CSNK1A1: variants seen among roughly 807,000 people sequenced by gnomAD.
The protein encoded by CSNK1A1 is casein kinase 1 alpha 1.
A neutral mutation model predicts 46.1 loss-of-function variants in CSNK1A1; 7 were observed. The ratio of observed to expected loss-of-function variants is 0.15; its 90% CI spans 0.09 to 0.29. The LOEUF (loss-of-function observed/expected upper bound fraction) is 0.29. CSNK1A1 is among the 10% of genes least tolerant of loss of function. CSNK1A1 has a pLI of 1.00. For synonymous variants in CSNK1A1, 137 were observed against 141.5 expected (o/e 0.97, Z 0.23); for missense variants, 96 against 417.1 (o/e 0.23, Z 6.71).
rs759547304 is a variant in CSNK1A1, at chr5:149,517,885, G to A, written c.456+2405C>T. On this transcript the variant is annotated intron_variant, in intron 4 of 9. Transcript: ENST00000377843. The surrounding 1 kb of genome is among the most constrained non-coding windows in gnomAD (Gnocchi z 4.4). ...CACTGGAGATTCTAAACACTAAACA[G>A]ACAATAGAGGGTGGCAGTGCATCAA... 4 of 1,566,236 alleles carry A rather than the reference G, an allele frequency of 2.6e-6. No homozygotes were observed. The South Asian group carries it at 3.4e-5, about 13-fold the overall frequency.
At chr5:149,549,487 T>C (rs767587098) in intron 2 of CSNK1A1, 3 of 702,552 alleles carry the variant, frequency 4.3e-6, no homozygotes, top group Non-Finnish European at 7.8e-6. Context: ...TTCTTGGCTT[T>C]TCAAAGGTTT....
At chr5:149,505,711 T>C in intron 8 of CSNK1A1, 116 bp from the exon 9 acceptor site, 2 of 801,230 alleles carry the variant, frequency 2.5e-6, no homozygotes, top group East Asian at 2.6e-5. Context: ...TTTCCTCAAG[T>C]GTGGCAGCTT....
At chr5:149,501,288 C>G in intron 9 of CSNK1A1, 1 of 985,304 alleles carries the variant, frequency 1.0e-6, no homozygotes, top group Non-Finnish European at 1.2e-6. Context: ...GACAAAAATT[C>G]AAGATTTCAG....
chr5:149,517,063 T>C lies in CSNK1A1; in HGVS notation c.456+3227A>G, dbSNP rs1216822470. Among the ~76,000 whole-genome samples the C allele has an allele frequency of 6.6e-6, 1 of 152,200 alleles. No individual in the cohort carries two copies. The highest frequency in any genetic ancestry group is 2.4e-5 in the African/African-American group (1 of 41,448). On this transcript the variant is annotated intron_variant, in intron 4 of 9. Transcript: ENST00000377843. The surrounding 1 kb of genome is among the most constrained non-coding windows in gnomAD (Gnocchi z 4.4). The stretch of plus-strand genomic sequence containing the variant: ...ACTTCAACAAAAGTGTAACAAAATA[T>C]GAAGAGTTCTACTTACAAATTTAGA...
intron 2 of CSNK1A1, among the ~76,000 whole-genome samples, chr5:149,546,375 C>T (rs935855386): frequency 6.6e-6 from 1 of 151,850 alleles, no homozygotes; most frequent in Non-Finnish European, 1.5e-5. Flanking sequence ...TGGCTCATGC[C>T]TGTAATCCAA....
chr5:149,545,430 G>C lies in CSNK1A1; in HGVS notation c.230+4645C>G, dbSNP rs534426293. 2.8e-5 allele frequency: 15 copies of C among 536,194 alleles called. No individual in the cohort carries two copies. In the South Asian group the frequency reaches 3.6e-4, roughly 13 times the overall value. The allele number at this position is 536,194 out of a possible 1,614,324, so 33.2% of individuals were successfully genotyped here. On this transcript the variant is annotated intron_variant, in intron 2 of 9. Transcript: ENST00000377843. ...GCCTGAGAGCCTTTGGGAGGAGCCT[G>C]AGCTGGAACTGAAGCTGGAGCTGCA...
intron 2 of CSNK1A1, among the ~76,000 whole-genome samples, chr5:149,547,739 A>AC (rs547140750): frequency 2.6e-5 from 4 of 152,194 alleles, no homozygotes; most frequent in African/African-American, 9.6e-5. Context: ...TTTAATCTTC[A>AC]CCTCATAAGA....
At chr5:149,542,640 G>GTA (rs1311690619) in intron 2 of CSNK1A1, among the ~76,000 whole-genome samples, 1 of 13,056 alleles carries the variant, frequency 7.7e-5, no homozygotes, top group Non-Finnish European at 1.2e-4. Flanking sequence ...ATATATATAT[G>GTA]TATATATATA....
In CSNK1A1 at chr5:149,505,610, A is replaced by G. The variant is rs1760996345; in HGVS notation, c.858-15T>C. 1.2e-6 allele frequency: 2 copies of G among 1,604,808 alleles called. No individual in the cohort carries two copies. Among genetic ancestry groups the G allele is most frequent in the Non-Finnish European group, 1.7e-6 (2 of 1,172,630 alleles). ...GGTTCAGGGTCCTGGAACACATAAAATATTTTATGTTAATCCTTTAATAAC... is the reference window on the plus strand; with the variant it reads ...GGTTCAGGGTCCTGGAACACATAAAGTATTTTATGTTAATCCTTTAATAAC... On this transcript the variant is annotated splice_polypyrimidine_tract_variant and intron_variant, in intron 8 of 9. Transcript: ENST00000377843.
chr5:149,518,047 T>G (rs918400063), intron 4 of CSNK1A1, among the ~76,000 whole-genome samples: 3 of 152,212 alleles, frequency 2.0e-5, no homozygotes, highest in African/African-American at 7.2e-5. Context: ...AAGAATCACA[T>G]GCTCAAGAAC....
In CSNK1A1 at chr5:149,550,337, C is replaced by A; in HGVS notation, c.124-156G>T. 2.1e-6 allele frequency: 3 copies of A among 1,432,028 alleles called. No individual in the cohort carries two copies. Among genetic ancestry groups the A allele is most frequent in the Non-Finnish European group, 9.1e-7 (1 of 1,097,778 alleles). 88.7% of individuals were successfully genotyped at this position (1,432,028 alleles called of 1,614,324 possible). A position where few individuals can be genotyped will look rare whatever the true frequency, so the allele number is the denominator to read the frequency against. On this transcript the variant is annotated intron_variant, in intron 1 of 9. Transcript: ENST00000377843. The surrounding 1 kb of genome is among the most constrained non-coding windows in gnomAD (Gnocchi z 4.3). ...TCTCGGTAATTATAAAACGAGGCAA[C>A]CAGCCTCAAAGGCCTCTTCAGGGGG...
At chr5:149,539,445 C>T (rs1477348347) in intron 2 of CSNK1A1, among the ~76,000 whole-genome samples, 3 of 146,866 alleles carry the variant, frequency 2.0e-5, no homozygotes, top group Non-Finnish European at 4.5e-5. Context: ...CAGGCCTAGG[C>T]GGCCGAGCAA....
At chr5:149,526,152 T>G (rs1761718910) in intron 2 of CSNK1A1, among the ~76,000 whole-genome samples, 1 of 152,142 alleles carries the variant, frequency 6.6e-6, no homozygotes, top group African/African-American at 2.4e-5. Flanking sequence ...TTTATTCATT[T>G]ATTTTTAGAC....
intron 9 of CSNK1A1, chr5:149,505,053 A>G: frequency 5.1e-6 from 5 of 988,594 alleles, no homozygotes; most frequent in Non-Finnish European, 6.0e-6. Context: ...AATATGGCTA[A>G]CCAAATTCAT....
chr5:149,522,502 G>T (rs1024226611), intron 3 of CSNK1A1, among the ~76,000 whole-genome samples: 1 of 152,162 alleles, frequency 6.6e-6, no homozygotes, highest in African/African-American at 2.4e-5. Flanking sequence ...CTGTCCATAT[G>T]TTCTTGCTCT....
chr5:149,515,563 GA>G (rs892877902), intron 4 of CSNK1A1, among the ~76,000 whole-genome samples: 31 of 151,964 alleles, frequency 2.0e-4, no homozygotes, highest in African/African-American at 7.5e-4. Flanking sequence ...AATACATCAG[GA>G]AAAAAATGTT....
At chr5:149,504,335 C>T (rs1265523693) in intron 9 of CSNK1A1, 3 of 980,084 alleles carry the variant, frequency 3.1e-6, no homozygotes, top group South Asian at 4.7e-5. Flanking sequence ...AAAGTATCTT[C>T]AGATTAGAAT....
In CSNK1A1 at chr5:149,534,825, G is replaced by A. The variant is rs904077437; in HGVS notation, c.231-9654C>T. Among the ~76,000 whole-genome samples the A allele has an allele frequency of 2.0e-5, 3 of 150,618 alleles. No individual in the cohort carries two copies. The South Asian group carries it at 6.3e-4, about 32-fold the overall frequency. On this transcript the variant is annotated intron_variant, in intron 2 of 9. Coordinates refer to ENST00000377843, the MANE Select transcript of CSNK1A1 (RefSeq NM_001892.6). Reference sequence around the variant, plus strand: ...ATGCGCCTGTACTCCCCAGGAAGCTGAGGCAGGAGGATCACTTGAGCCTCG... The same window carrying A: ...ATGCGCCTGTACTCCCCAGGAAGCTAAGGCAGGAGGATCACTTGAGCCTCG...
At position 149,525,436 on chromosome 5, in the gene CSNK1A1, C is replaced by A. The variant is rs1761697934; in HGVS notation, c.231-265G>T. Among the ~76,000 whole-genome samples the A allele has an allele frequency of 6.6e-6, 1 of 152,034 alleles. No homozygotes were observed. The highest frequency in any genetic ancestry group is 2.1e-4 in the South Asian group (1 of 4,816). On this transcript the variant is annotated intron_variant, in intron 2 of 9. Transcript: ENST00000377843. The surrounding 1 kb of genome is among the most constrained non-coding windows in gnomAD (Gnocchi z 4.2). ...AGCCTTAACACTCCTGTTACCAGGGCAGCTGAATTTTATACCCACTGGCCA... is the reference window on the plus strand; with the variant it reads ...AGCCTTAACACTCCTGTTACCAGGGAAGCTGAATTTTATACCCACTGGCCA...
Sources: allele counts gnomAD v4.1 joint callset (sites outside exome capture counted in the v4.1 genomes callset), GRCh38; gene constraint gnomAD v4.1.1; non-coding constraint Gnocchi (gnomAD v3.1); transcripts MANE v1.5; gene names NCBI Gene and HGNC (gene_info 2026-07-23, HGNC 2026-07-21).